Variants in TRIO observed in about 807,000 individuals in gnomAD.
TRIO encodes trio Rho guanine nucleotide exchange factor.
A neutral mutation model predicts 351.9 loss-of-function variants in TRIO; 58 were observed. The ratio of observed to expected loss-of-function variants is 0.16; its 90% confidence interval spans 0.13 to 0.21. TRIO has a LOEUF of 0.21. Among genes scored for constraint, TRIO ranks in the 10% least tolerant of loss-of-function variants. The pLI is 1.00. For synonymous variants in TRIO, 1,758 were observed against 1,595.7 expected, an observed-to-expected ratio of 1.10 and a Z score of -2.42; for missense variants, 3,201 against 4,027.8, an observed-to-expected ratio of 0.79 and a Z score of 5.56.
chr5:14,381,687 C>T lies in TRIO; in HGVS notation c.3570+435C>T, dbSNP rs56263069. Among the ~76,000 whole-genome samples the T allele has an allele frequency of 4.0e-3, 611 of 152,246 alleles. 2 individuals carry two copies. Among genetic ancestry groups the T allele is most frequent in the African/African-American group, 0.012 (518 of 41,530 alleles). Reference sequence around the variant, plus strand: ...TTTAGATGGTGAAAACTGTTACAGTCGTGTTGCTCACGCTCAGTTTAGTCT... The same window carrying T: ...TTTAGATGGTGAAAACTGTTACAGTTGTGTTGCTCACGCTCAGTTTAGTCT... On this transcript the variant is annotated intron_variant, in intron 21 of 56. Coordinates refer to ENST00000344204, the MANE Select transcript of TRIO (RefSeq NM_007118.4).
chr5:14,383,507 T>G (rs539474587), intron 21 of TRIO, among the ~76,000 whole-genome samples: 1 of 152,348 alleles, frequency 6.6e-6, no homozygotes, highest in East Asian at 1.9e-4. Context: ...TTCCTCAAGT[T>G]TGATGTGTGG....
intron 34 of TRIO, among the ~76,000 whole-genome samples, chr5:14,454,994 C>T (rs1753157398): frequency 1.3e-5 from 2 of 150,392 alleles, no homozygotes; most frequent in South Asian, 4.3e-4. Flanking sequence ...TTGTTTGTAT[C>T]TCTTGTCCAG....
chr5:14,353,470 G>T (rs1237114120), intron 11 of TRIO, among the ~76,000 whole-genome samples: 1 of 151,824 alleles, frequency 6.6e-6, no homozygotes, highest in African/African-American at 2.4e-5. Context: ...CACTATATTG[G>T]CCAGGCTGGT....
intron 14 of TRIO, 108 bp from the exon 15 acceptor site, chr5:14,364,542 C>G: frequency 7.2e-7 from 1 of 1,392,280 alleles, no homozygotes; most frequent in Non-Finnish European, 9.8e-7. Flanking sequence ...TGGCTTGGCC[C>G]CCAGCTGGGC....
intron 34 of TRIO, among the ~76,000 whole-genome samples, chr5:14,426,142 T>C (rs554164254): frequency 6.6e-6 from 1 of 152,324 alleles, no homozygotes; most frequent in East Asian, 1.9e-4. Flanking sequence ...TGCTTAAATT[T>C]CTTTGGCGAC....
chr5:14,441,792 C>T (rs1280019022), intron 34 of TRIO, among the ~76,000 whole-genome samples: 1 of 152,140 alleles, frequency 6.6e-6, no homozygotes, highest in Non-Finnish European at 1.5e-5. Flanking sequence ...CATATTTAGA[C>T]TCTGGCTCTC....
intron 1 of TRIO, among the ~76,000 whole-genome samples, chr5:14,163,401 T>G (rs1035790498): frequency 6.6e-6 from 1 of 152,244 alleles, no homozygotes; most frequent in Non-Finnish European, 1.5e-5. Flanking sequence ...TTTGTATTTT[T>G]AGTAGAGACG....
intron 1 of TRIO, among the ~76,000 whole-genome samples, chr5:14,181,817 C>T (rs561470383): frequency 7.9e-5 from 12 of 152,248 alleles, no homozygotes; most frequent in Non-Finnish European, 1.5e-4. Flanking sequence ...ATGGTGGCCA[C>T]GCCCCTCCCG....
At chr5:14,172,438 G>A (rs975444817) in intron 1 of TRIO, among the ~76,000 whole-genome samples, 4 of 152,208 alleles carry the variant, frequency 2.6e-5, no homozygotes, top group Non-Finnish European at 5.9e-5. Context: ...TCTTCTGAGT[G>A]ACAGTCACTT....
chr5:14,378,922 G>A (rs1745818426), intron 20 of TRIO, among the ~76,000 whole-genome samples: 1 of 152,166 alleles, frequency 6.6e-6, no homozygotes, highest in Non-Finnish European at 1.5e-5. Flanking sequence ...TACATTTGGA[G>A]TATCCCCTTC....
intron 18 of TRIO, 45 bp from the exon 19 acceptor site, chr5:14,374,184 T>C (rs772547478): frequency 5.3e-6 from 8 of 1,506,584 alleles, no homozygotes; most frequent in Non-Finnish European, 6.4e-6. Flanking sequence ...AATACACGTT[T>C]GTAGAAGTCA....
intron 34 of TRIO, among the ~76,000 whole-genome samples, chr5:14,458,111 A>G: frequency 6.7e-6 from 1 of 149,816 alleles, no homozygotes. Flanking sequence ...ACCTCACCAC[A>G]TCTCAGGCAT....
chr5:14,396,466 T>C (rs1211041416), intron 28 of TRIO, among the ~76,000 whole-genome samples: 6 of 91,790 alleles, frequency 6.5e-5, no homozygotes, highest in African/African-American at 2.1e-4. Context: ...TTTTTTTTTT[T>C]TTTTTTTTTT....
chr5:14,435,485 G>A (rs2152400537), intron 34 of TRIO, among the ~76,000 whole-genome samples: 1 of 152,236 alleles, frequency 6.6e-6, no homozygotes, highest in East Asian at 1.9e-4. Flanking sequence ...TACCTTGTGG[G>A]GAAATATTTT....
chr5:14,405,817 G>C (rs373885018), intron 31 of TRIO, 31 bp from the exon 32 acceptor site: 606 of 1,604,178 alleles, frequency 3.8e-4, no homozygotes, highest in Admixed American at 5.2e-4. Flanking sequence ...GGGCCGTTCC[G>C]TATCCTAAGC....
At chr5:14,320,083 G>A (rs1739739899) in intron 9 of TRIO, among the ~76,000 whole-genome samples, 1 of 146,266 alleles carries the variant, frequency 6.8e-6, no homozygotes, top group African/African-American at 2.6e-5. Context: ...CACTTAAAAA[G>A]AAAATGGAAA....
chr5:14,207,643 G>T (rs938271773), intron 1 of TRIO, among the ~76,000 whole-genome samples: 1 of 151,838 alleles, frequency 6.6e-6, no homozygotes. Flanking sequence ...GCAGTTCAAG[G>T]TTACAGTGAG....
At chr5:14,421,216 A>AT (rs1750104082) in intron 34 of TRIO, among the ~76,000 whole-genome samples, 1 of 135,930 alleles carries the variant, frequency 7.4e-6, no homozygotes, top group African/African-American at 3.1e-5. Context: ...CCCTTATTTA[A>AT]TTATTTATTT....
intron 1 of TRIO, among the ~76,000 whole-genome samples, chr5:14,160,198 C>T (rs569529855): frequency 3.3e-5 from 5 of 152,160 alleles, no homozygotes; most frequent in East Asian, 3.8e-4. Context: ...ATTAAGAACA[C>T]GTAGAGCAGG....
Sources: allele counts gnomAD v4.1 joint callset (sites outside exome capture counted in the v4.1 genomes callset), GRCh38; gene constraint gnomAD v4.1.1; transcripts MANE v1.5; gene names NCBI Gene and HGNC (gene_info 2026-07-23, HGNC 2026-07-21).